The following GMNC variants were observed in gnomAD, a reference collection of about 807,000 sequenced individuals.
The protein encoded by GMNC is geminin coiled-coil domain containing.
GMNC carries 16 observed loss-of-function variants against 33.6 expected under a neutral mutation model. The observed-to-expected ratio is 0.48, with a 90% CI of 0.32 to 0.72. The LOEUF (loss-of-function observed/expected upper bound fraction) is 0.72. Among genes scored for constraint, GMNC ranks in the 30% least tolerant of loss-of-function variants. The pLI is 0.03. For synonymous variants in GMNC, 156 were observed against 147.3 expected, an observed-to-expected ratio of 1.06 and a Z score of -0.43; for missense variants, 393 against 388.9, an observed-to-expected ratio of 1.01 and a Z score of -0.09.
intron 2 of GMNC, among the ~76,000 whole-genome samples, 184 bp from the exon 3 acceptor site, chr3:190,859,200 A>G (rs1199873534): frequency 6.6e-6 from 1 of 152,212 alleles, no homozygotes; most frequent in Non-Finnish European, 1.5e-5. Flanking sequence ...TGTGAGAGAC[A>G]AATATTTATA....
Position 190,862,573 on chromosome 3 carries a change from A to C in GMNC, c.3+40T>G. 1 of 1,483,436 alleles carries C rather than the reference A, an allele frequency of 6.7e-7. No individual in the cohort carries two copies. The allele number at this position is 1,483,436 out of a possible 1,614,324, so 91.9% of individuals were successfully genotyped here. Reference sequence around the variant, plus strand: ...AAGCTTATTAACTTTCAGAGACCCAAGTTTGCCAGCGGACTAGCTAACGCC... The same window carrying C: ...AAGCTTATTAACTTTCAGAGACCCACGTTTGCCAGCGGACTAGCTAACGCC... On this transcript the variant is annotated intron_variant, in intron 1 of 4. Transcript: ENST00000442080. The surrounding 1 kb of genome is among the most constrained non-coding windows in gnomAD (Gnocchi z 4.5).
chr3:190,856,311 T>TTATTTATAAATATTTATAAATAATACTTA lies in GMNC; in HGVS notation c.385-397_385-396insTAAGTATTATTTATAAATATTTATAAATA, dbSNP rs1490867161. Among the ~76,000 whole-genome samples the TTATTTATAAATATTTATAAATAATACTTA allele has an allele frequency of 1.7e-4, 21 of 120,000 alleles. 1 individual carries two copies. Among genetic ancestry groups the TTATTTATAAATATTTATAAATAATACTTA allele is most frequent in the African/African-American group, 3.3e-4 (8 of 24,324 alleles). 78.7% of individuals were successfully genotyped at this position (120,000 alleles called of 152,430 possible). A position where few individuals can be genotyped will look rare whatever the true frequency, so the allele number is the denominator to read the frequency against. On this transcript the variant is annotated intron_variant, in intron 4 of 4. Transcript: ENST00000442080. ...AAATATTTATAAATAATACTTATAT[T>TTATTTATAAATATTTATAAATAATACTTA]TATTTATAAATATTTATAAATAAAT...
intron 4 of GMNC, among the ~76,000 whole-genome samples, chr3:190,857,470 C>T (rs976818927): frequency 2.6e-5 from 4 of 152,080 alleles, no homozygotes; most frequent in East Asian, 1.9e-4. Flanking sequence ...ATCTGCTTCC[C>T]GTACCAGCAT....
At chr3:190,858,907 A>G in intron 3 of GMNC, 21 bp downstream of exon 3, 1 of 1,400,188 alleles carries the variant, frequency 7.1e-7, no homozygotes, top group Non-Finnish European at 9.9e-7. Flanking sequence ...GACCAGTCTC[A>G]ATGTTCTGAC....
rs1212515789 is a variant in GMNC at position 190,861,414 on chromosome 3, A to C, written c.4-556T>G. 6.6e-6 allele frequency among the ~76,000 whole-genome samples: 1 copy of C among 152,026 alleles called. No homozygotes were observed. The highest frequency in any genetic ancestry group is 1.5e-5 in the Non-Finnish European group (1 of 68,006). On this transcript the variant is annotated intron_variant, in intron 1 of 4. Coordinates refer to ENST00000442080, the MANE Select transcript of GMNC (RefSeq NM_001146686.3). This position sits in a 1 kb window ranked among gnomAD's most constrained non-coding sequence, Gnocchi z 5.1. Reference sequence around the variant, plus strand: ...GTCTGACCTAACATACTGCTGGCTCATAGTCCATCAATCTATCTGTCTGTC... The same window carrying C: ...GTCTGACCTAACATACTGCTGGCTCCTAGTCCATCAATCTATCTGTCTGTC...
At chr3:190,851,730 G>A (rs1737636580), downstream of GMNC, among the ~76,000 whole-genome samples, 1 of 151,896 alleles carries the variant, frequency 6.6e-6, no homozygotes, top group Non-Finnish European at 1.5e-5. Context: ...GAATAAATGG[G>A]TACAGAAAAC....
chr3:190,845,527 T>TTTTTTTTA, the GMNC span, among the ~76,000 whole-genome samples: 1 of 142,912 alleles, frequency 7.0e-6, no homozygotes, highest in Non-Finnish European at 1.5e-5. Flanking sequence ...TTTTTTTTTT[T>TTTTTTTTA]GAGACTGAGT....
In GMNC at chr3:190,855,581, TCC is replaced by T. The variant is rs1737714971; in HGVS notation, c.717_718del (p.Asp240TyrfsTer4). The T allele has an allele frequency of 6.4e-7, 1 of 1,551,440 alleles. No individual in the cohort carries two copies. Among genetic ancestry groups the T allele is most frequent in the Non-Finnish European group, 8.7e-7 (1 of 1,146,892 alleles). On this transcript the variant is annotated frameshift_variant, in exon 5 of 5. Coordinates refer to ENST00000442080, the MANE Select transcript of GMNC (RefSeq NM_001146686.3). LOFTEE classifies it high-confidence loss of function. ...GTCACCTCTATAGTCAATTGGCATA[TCC>T]TCTCTGGGGATATTTTTATAATCAA...
chr3:190,845,024 C>T, the GMNC span, among the ~76,000 whole-genome samples: 9 of 151,932 alleles, frequency 5.9e-5, no homozygotes, highest in Non-Finnish European at 8.8e-5. Flanking sequence ...ACATTATTTA[C>T]AAAGTAAACC....
At chr3:190,848,890 A>G (rs1737590805), downstream of GMNC, among the ~76,000 whole-genome samples, 1 of 152,212 alleles carries the variant, frequency 6.6e-6, no homozygotes, top group South Asian at 2.1e-4. Context: ...TGTTCATAAT[A>G]TCACTGCACT....
Position 190,855,047 on chromosome 3 carries a change from G to A in GMNC, c.*248C>T, listed in dbSNP as rs962599970. 1 of 499,020 alleles carries A rather than the reference G, an allele frequency of 2.0e-6. No homozygotes were observed. The highest frequency in any genetic ancestry group is 3.6e-6 in the Non-Finnish European group (1 of 275,004). The allele number at this position is 499,020 out of a possible 1,614,324, so 30.9% of individuals were successfully genotyped here. A position where few individuals can be genotyped will look rare whatever the true frequency, so the allele number is the denominator to read the frequency against. Reference sequence around the variant, plus strand: ...TACCTTATCAAGTATAGGGCAAAGAGAGGATGTCAATAGCAGGTATTGGTG... The same window carrying A: ...TACCTTATCAAGTATAGGGCAAAGAAAGGATGTCAATAGCAGGTATTGGTG... On this transcript the variant is annotated 3_prime_UTR_variant, in exon 5 of 5. Coordinates refer to ENST00000442080, the MANE Select transcript of GMNC (RefSeq NM_001146686.3).
At position 190,855,267 on chromosome 3, in the gene GMNC, G is replaced by T; in HGVS notation, c.*28C>A. 6.5e-7 allele frequency: 1 copy of T among 1,545,296 alleles called. No homozygotes were observed. Among genetic ancestry groups the T allele is most frequent in the Non-Finnish European group, 8.7e-7 (1 of 1,142,936 alleles). ...GAGGTCTTTGTAAACAGAGTTCGTGGCAGTGCTTTGTGATAAAAGAGGGGT... is the reference window on the plus strand; with the variant it reads ...GAGGTCTTTGTAAACAGAGTTCGTGTCAGTGCTTTGTGATAAAAGAGGGGT... On this transcript the variant is annotated 3_prime_UTR_variant, in exon 5 of 5. Transcript: ENST00000442080.
the GMNC span, among the ~76,000 whole-genome samples, chr3:190,845,877 G>A: frequency 6.6e-6 from 1 of 152,050 alleles, no homozygotes; most frequent in African/African-American, 2.4e-5. Flanking sequence ...CAGTGAAAAC[G>A]TGTAGCCACA....
chr3:190,851,461 A>G (rs1252106063), downstream of GMNC, among the ~76,000 whole-genome samples: 1 of 152,240 alleles, frequency 6.6e-6, no homozygotes, highest in Non-Finnish European at 1.5e-5. Flanking sequence ...AGATCCAACT[A>G]TACTGGAAAT....
chr3:190,853,311 G>T lies in GMNC; in HGVS notation c.*1984C>A, dbSNP rs9813896. 1.3e-5 allele frequency: 2 copies of T among 151,866 alleles called. No individual in the cohort carries two copies. The highest frequency in any genetic ancestry group is 3.4e-3 in the Middle Eastern group (1 of 294). The allele number at this position is 151,866 out of a possible 1,614,324, so 9.4% of individuals were successfully genotyped here. A position where few individuals can be genotyped will look rare whatever the true frequency, so the allele number is the denominator to read the frequency against. ...CTAGTGTCATAAAGTACAATAATTC[G>T]AATCCTTAAATCTCTTATTCTAAAA... On this transcript the variant is annotated 3_prime_UTR_variant, in exon 5 of 5. Coordinates refer to ENST00000442080, the MANE Select transcript of GMNC (RefSeq NM_001146686.3).
At chr3:190,844,672 C>T in the GMNC span, among the ~76,000 whole-genome samples, 1 of 151,786 alleles carries the variant, frequency 6.6e-6, no homozygotes, top group East Asian at 1.9e-4. Flanking sequence ...AAAAAATCTG[C>T]CCATGATGAT....
At chr3:190,852,211 C>T (rs892276911), downstream of GMNC, among the ~76,000 whole-genome samples, 9 of 152,056 alleles carry the variant, frequency 5.9e-5, no homozygotes, top group African/African-American at 1.4e-4. Flanking sequence ...GATATATTAA[C>T]GCTATACTTT....
chr3:190,847,702 C>G, the GMNC span, among the ~76,000 whole-genome samples: 1 of 151,004 alleles, frequency 6.6e-6, no homozygotes, highest in Non-Finnish European at 1.5e-5. Flanking sequence ...CTCATCTTCA[C>G]ATGACTCTCT....
the GMNC span, among the ~76,000 whole-genome samples, chr3:190,844,382 C>T: frequency 1.8e-4 from 28 of 151,764 alleles, no homozygotes; most frequent in Admixed American, 1.5e-3. Context: ...TATATATACA[C>T]ATTTTAAAAT....
Sources: allele counts gnomAD v4.1 joint callset (sites outside exome capture counted in the v4.1 genomes callset), GRCh38; gene constraint gnomAD v4.1.1; non-coding constraint Gnocchi (gnomAD v3.1); transcripts MANE v1.5; gene names NCBI Gene and HGNC (gene_info 2026-07-23, HGNC 2026-07-21).